POC1B: variants seen among roughly 807,000 people sequenced by gnomAD.
The protein encoded by POC1B is POC1 centriolar protein B, also known as POC1 centriolar protein homolog B.
POC1B carries 44 observed loss-of-function variants against 60.6 expected under a neutral mutation model. The observed-to-expected ratio is 0.73, with a 90% CI of 0.57 to 0.93. The LOEUF (loss-of-function observed/expected upper bound fraction) is 0.93. POC1B is among the 40% of genes least tolerant of loss of function. POC1B has a pLI of 0.00. For synonymous variants in POC1B, 180 were observed against 198.9 expected (o/e 0.90, Z 0.80); for missense variants, 555 against 572.3 (o/e 0.97, Z 0.31).
At chr12:89,455,132 G>A (rs1040042123) in intron 10 of POC1B, among the ~76,000 whole-genome samples, 2 of 152,040 alleles carry the variant, frequency 1.3e-5, no homozygotes, top group South Asian at 2.1e-4. Flanking sequence ...TCAGGAGTTC[G>A]AGACCAGCTT....
chr12:89,409,145 T>G, the POC1B span, among the ~76,000 whole-genome samples: 1 of 152,220 alleles, frequency 6.6e-6, no homozygotes, highest in Non-Finnish European at 1.5e-5. Context: ...TTTGTCACAT[T>G]TTGACTTTTG....
intron 9 of POC1B, chr12:89,460,093 G>T (rs1011872535): frequency 1.5e-5 from 5 of 322,870 alleles, no homozygotes; most frequent in East Asian, 8.5e-5. Flanking sequence ...CAATTAGAAA[G>T]AAATAATATT....
chr12:89,524,708 C>T, intron 2 of POC1B: 1 of 745,978 alleles, frequency 1.3e-6, no homozygotes, highest in East Asian at 2.7e-5. Flanking sequence ...CCAGGGGTCA[C>T]CTGAGCCCTC....
downstream of POC1B, among the ~76,000 whole-genome samples, chr12:89,415,958 C>T (rs1880356491): frequency 6.6e-6 from 1 of 152,206 alleles, no homozygotes; most frequent in Admixed American, 6.5e-5. Flanking sequence ...AAATGTTTGC[C>T]TATCCTATTT....
At chr12:89,458,698 A>G (rs1256163026) in intron 10 of POC1B, among the ~76,000 whole-genome samples, 1 of 152,234 alleles carries the variant, frequency 6.6e-6, no homozygotes, top group East Asian at 1.9e-4. Context: ...TTGTAATGTC[A>G]TAATGTCAGG....
chr12:89,509,529 C>T (rs1870070279), intron 2 of POC1B, among the ~76,000 whole-genome samples: 1 of 152,174 alleles, frequency 6.6e-6, no homozygotes, highest in South Asian at 2.1e-4. Context: ...ACTGGTGTGT[C>T]AGTGAACAGA....
At chr12:89,491,662 T>TTA (rs1227618583) in intron 4 of POC1B, among the ~76,000 whole-genome samples, 1 of 146,806 alleles carries the variant, frequency 6.8e-6, no homozygotes, top group African/African-American at 2.5e-5. Flanking sequence ...GAAAAAAAAA[T>TTA]TACGCGCCCC....
At chr12:89,502,640 CA>C (rs779508101) in intron 2 of POC1B, 2 of 1,330,678 alleles carry the variant, frequency 1.5e-6, no homozygotes, top group Admixed American at 3.6e-5. Context: ...TGTAAGGCCA[CA>C]AGATACATAT....
At chr12:89,494,040 CTTAT>C (rs962446215) in intron 3 of POC1B, among the ~76,000 whole-genome samples, 10 of 151,946 alleles carry the variant, frequency 6.6e-5, no homozygotes, top group Admixed American at 1.3e-4. Context: ...CTATTCTTTT[CTTAT>C]TTATTTATTT....
intron 5 of POC1B, 50 bp downstream of exon 5, chr12:89,472,118 G>C (rs200707679): frequency 1.7e-6 from 2 of 1,169,670 alleles, no homozygotes; most frequent in South Asian, 2.7e-5. Context: ...ATAATCAAAC[G>C]TCTCCTTAGA....
At chr12:89,512,260 T>C (rs1050864663) in intron 2 of POC1B, among the ~76,000 whole-genome samples, 2 of 152,240 alleles carry the variant, frequency 1.3e-5, no homozygotes, top group Non-Finnish European at 2.9e-5. Context: ...ATATTTGCTT[T>C]CTAGCTGATA....
chr12:89,472,850 G>A (rs1330842572), intron 4 of POC1B, among the ~76,000 whole-genome samples: 1 of 152,146 alleles, frequency 6.6e-6, no homozygotes, highest in East Asian at 1.9e-4. Flanking sequence ...CATTTATACA[G>A]AACAGAACAG....
chr12:89,481,741 C>T (rs1868370202), intron 4 of POC1B, among the ~76,000 whole-genome samples: 2 of 152,156 alleles, frequency 1.3e-5, no homozygotes, highest in Admixed American at 6.6e-5. Flanking sequence ...AGAACAACTA[C>T]TGGGAGGCTG....
downstream of POC1B, among the ~76,000 whole-genome samples, chr12:89,419,531 G>A (rs540389060): frequency 6.6e-6 from 1 of 152,112 alleles, no homozygotes; most frequent in Non-Finnish European, 1.5e-5. Context: ...CATCACCTAT[G>A]AGATTGTTAG....
At chr12:89,422,397 C>T (rs1451074860) in intron 11 of POC1B, among the ~76,000 whole-genome samples, 3 of 152,192 alleles carry the variant, frequency 2.0e-5, no homozygotes, top group Non-Finnish European at 4.4e-5. Context: ...CACCCTCTCC[C>T]TCTCTTTTCT....
intron 4 of POC1B, among the ~76,000 whole-genome samples, chr12:89,480,991 C>T (rs1868349997): frequency 6.6e-6 from 1 of 152,206 alleles, no homozygotes; most frequent in Non-Finnish European, 1.5e-5. Flanking sequence ...CTGCCTCAGC[C>T]TCCCAAATTG....
chr12:89,506,788 G>A (rs1369331245), intron 2 of POC1B, among the ~76,000 whole-genome samples: 1 of 152,126 alleles, frequency 6.6e-6, no homozygotes, highest in African/African-American at 2.4e-5. Context: ...CCAAGAGAGA[G>A]GAGGTTCCAG....
At chr12:89,524,537 A>G in intron 2 of POC1B, 1 of 1,611,180 alleles carries the variant, frequency 6.2e-7, no homozygotes, top group Non-Finnish European at 8.5e-7. Flanking sequence ...GCCCAAGTCC[A>G]CCTCACCGCC....
rs1592628152 is a variant in POC1B, at chr12:89,497,233, T to C, written c.210A>G (p.Pro70=). The change falls in exon 3 of 12, where the codon CCA becomes CCG. Residue 70 remains proline, a synonymous_variant. Coordinates refer to ENST00000313546, the MANE Select transcript of POC1B (RefSeq NM_172240.3). The part of the protein sequence containing the change: ...KDVVTSVQFS[P]HGNLLASASR... ...AGGCAGACGCCAATAAGTTTCCATGTGGAGAAAACTGCACGCTGGTTACAA... is the reference window on the plus strand; with the variant it reads ...AGGCAGACGCCAATAAGTTTCCATGCGGAGAAAACTGCACGCTGGTTACAA... The C allele has an allele frequency of 1.2e-6, 2 of 1,613,936 alleles. No homozygotes were observed. Among genetic ancestry groups the C allele is most frequent in the Non-Finnish European group, 1.7e-6 (2 of 1,180,042 alleles).
Sources: allele counts gnomAD v4.1 joint callset (sites outside exome capture counted in the v4.1 genomes callset), GRCh38; gene constraint gnomAD v4.1.1; transcripts MANE v1.5; gene names NCBI Gene and HGNC (gene_info 2026-07-23, HGNC 2026-07-21).